The following PTPRD variants were observed in gnomAD, a reference collection of about 807,000 sequenced individuals.
PTPRD encodes receptor-type tyrosine-protein phosphatase delta.
In PTPRD, 34 loss-of-function variants were observed where a neutral mutation model predicts 214.5. The observed-to-expected ratio is 0.16, with a 90% CI of 0.12 to 0.21. The LOEUF (loss-of-function observed/expected upper bound fraction) is 0.21. Ranked by LOEUF, PTPRD falls within the 10% of genes least tolerant of loss-of-function variation. The probability of loss-of-function intolerance (pLI) is 1.00; values close to 1 mark genes in which losing one functional copy is unlikely to be tolerated. For missense variants in PTPRD, 2,545 were observed against 2,398.7 expected, an observed-to-expected ratio of 1.06 and a Z score of -1.27; for synonymous variants, 1,128 against 845.7, an observed-to-expected ratio of 1.33 and a Z score of -5.79.
At position 10,292,384 on chromosome 9, in the gene PTPRD, A is replaced by G. The variant is rs151039888; in HGVS notation, c.-545+48579T>C. On this transcript the variant is annotated intron_variant, in intron 3 of 45. Coordinates refer to ENST00000381196, the MANE Select transcript of PTPRD (RefSeq NM_002839.4). ...CTGTTCTTCCTGACATCACCCTTAT[A>G]AAAATATATACAATGGATCATGTTA... 3.3e-5 allele frequency among the ~76,000 whole-genome samples: 5 copies of G among 152,124 alleles called. No individual in the cohort carries two copies. The East Asian group carries it at 9.7e-4, about 29-fold the overall frequency.
intron 39 of PTPRD, among the ~76,000 whole-genome samples, chr9:8,356,355 T>C (rs1327779597): frequency 2.6e-5 from 4 of 152,224 alleles, no homozygotes; most frequent in African/African-American, 7.2e-5. Flanking sequence ...AACAGAACTA[T>C]TTTTAAGCCT....
chr9:9,853,656 C>T (rs949043752), intron 5 of PTPRD, among the ~76,000 whole-genome samples: 1 of 152,012 alleles, frequency 6.6e-6, no homozygotes, highest in Admixed American at 6.5e-5. Flanking sequence ...TCAAGCAATT[C>T]TCCTGCCTCA....
At chr9:8,476,556 C>G (rs2096769494) in intron 30 of PTPRD, among the ~76,000 whole-genome samples, 2 of 152,286 alleles carry the variant, frequency 1.3e-5, no homozygotes, top group South Asian at 4.1e-4. Context: ...TAAATATCTA[C>G]TAACTGATTA....
intron 8 of PTPRD, among the ~76,000 whole-genome samples, chr9:9,570,441 T>C (rs919183626): frequency 1.3e-5 from 2 of 151,562 alleles, no homozygotes; most frequent in African/African-American, 4.8e-5. Context: ...TACCTCTATA[T>C]GTGGTTTGTG....
At chr9:9,384,154 A>C (rs2063139693) in intron 9 of PTPRD, among the ~76,000 whole-genome samples, 1 of 151,776 alleles carries the variant, frequency 6.6e-6, no homozygotes. Context: ...TATATTTTAC[A>C]AACAAACATA....
At chr9:9,137,364 G>A (rs1238331955) in intron 10 of PTPRD, among the ~76,000 whole-genome samples, 1 of 152,050 alleles carries the variant, frequency 6.6e-6, no homozygotes, top group African/African-American at 2.4e-5. Flanking sequence ...AACCTTAATT[G>A]AGTAGATGCT....
chr9:8,317,525 C>T lies in PTPRD; in HGVS notation c.*349G>A. The T allele has an allele frequency of 3.6e-6, 1 of 274,328 alleles. No homozygotes were observed. The highest frequency in any genetic ancestry group is 4.9e-5 in the East Asian group (1 of 20,384). 17.0% of individuals were successfully genotyped at this position (274,328 alleles called of 1,614,324 possible). ...ATATCTTGTGCTGAACTGCAGCATT[C>T]TGGCAATTTCTCCTTGCACCTTTCA... On this transcript the variant is annotated 3_prime_UTR_variant, in exon 46 of 46. Transcript: ENST00000381196.
At chr9:10,185,530 G>A (rs1257380004) in intron 3 of PTPRD, among the ~76,000 whole-genome samples, 2 of 152,082 alleles carry the variant, frequency 1.3e-5, no homozygotes, top group African/African-American at 2.4e-5. Flanking sequence ...ATAATCCTTA[G>A]GGAATGGCTG....
chr9:9,801,133 C>T (rs2099037058), intron 5 of PTPRD, among the ~76,000 whole-genome samples: 1 of 152,030 alleles, frequency 6.6e-6, no homozygotes, highest in Non-Finnish European at 1.5e-5. Flanking sequence ...TTAGGCACTT[C>T]CATCATGTAA....
intron 6 of PTPRD, among the ~76,000 whole-genome samples, chr9:9,752,604 G>C (rs573352080): frequency 2.0e-5 from 3 of 152,052 alleles, no homozygotes; most frequent in African/African-American, 7.2e-5. Context: ...TTAAGATCGA[G>C]GTTGAGGGAA....
intron 35 of PTPRD, among the ~76,000 whole-genome samples, chr9:8,416,025 C>T (rs1342478835): frequency 6.6e-6 from 1 of 152,092 alleles, no homozygotes; most frequent in Non-Finnish European, 1.5e-5. Context: ...TCATCCATTT[C>T]CTGGTGTTAG....
intron 7 of PTPRD, among the ~76,000 whole-genome samples, chr9:9,646,044 C>T (rs999365241): frequency 2.6e-5 from 4 of 152,134 alleles, no homozygotes; most frequent in Non-Finnish European, 5.9e-5. Context: ...CTTTAGAATA[C>T]AATTCATGTT....
At chr9:9,328,970 T>G (rs1025656814) in intron 9 of PTPRD, among the ~76,000 whole-genome samples, 1 of 151,684 alleles carries the variant, frequency 6.6e-6, no homozygotes, top group Non-Finnish European at 1.5e-5. Context: ...TGATAAGGAG[T>G]GAAACTTGAA....
intron 7 of PTPRD, among the ~76,000 whole-genome samples, chr9:9,644,059 T>C (rs1294955574): frequency 6.6e-6 from 1 of 152,140 alleles, no homozygotes; most frequent in Non-Finnish European, 1.5e-5. Context: ...TGCTGGTCCC[T>C]CAAAGTTTTT....
chr9:8,892,306 A>G (rs1414226599), intron 11 of PTPRD, among the ~76,000 whole-genome samples: 3 of 152,134 alleles, frequency 2.0e-5, no homozygotes, highest in Non-Finnish European at 2.9e-5. Context: ...GAGTCAGTGC[A>G]GGAGGAAAGA....
intron 9 of PTPRD, among the ~76,000 whole-genome samples, chr9:9,364,472 T>C (rs568949310): frequency 1.3e-5 from 2 of 151,512 alleles, no homozygotes; most frequent in East Asian, 3.9e-4. Flanking sequence ...GGGAAGGCCA[T>C]ATTAGAAGGT....
chr9:10,002,496 C>T (rs1159537301), intron 4 of PTPRD, among the ~76,000 whole-genome samples: 3 of 150,694 alleles, frequency 2.0e-5, no homozygotes, highest in Non-Finnish European at 3.0e-5. Flanking sequence ...TGATAAGATA[C>T]ATGTCATGAA....
chr9:10,552,250 G>A (rs977875066), intron 2 of PTPRD, among the ~76,000 whole-genome samples: 4 of 146,020 alleles, frequency 2.7e-5, no homozygotes, highest in Non-Finnish European at 5.9e-5. Context: ...AGAAAACCAA[G>A]CTTTTTTATC....
intron 9 of PTPRD, among the ~76,000 whole-genome samples, chr9:9,350,656 A>G (rs1468531909): frequency 6.6e-6 from 1 of 152,040 alleles, no homozygotes; most frequent in African/African-American, 2.4e-5. Flanking sequence ...TTCTCCTCAG[A>G]TGGACCAGAA....
Sources: gnomAD v4.1 joint callset for allele counts (sites outside exome capture counted in the v4.1 genomes callset) on GRCh38, gnomAD v4.1.1 for gene constraint, MANE v1.5 for transcripts, NCBI Gene and HGNC (gene_info 2026-07-23, HGNC 2026-07-21) for gene names.